SH3BGRL: variants seen among roughly 807,000 people sequenced by gnomAD.
SH3BGRL encodes the protein SH3 domain binding glutamate rich protein like.
A neutral mutation model predicts 9.8 loss-of-function variants in SH3BGRL; 7 were observed. The ratio of observed to expected loss-of-function variants is 0.72; its 90% CI spans 0.41 to 1.35. The LOEUF (loss-of-function observed/expected upper bound fraction) is 1.35. SH3BGRL is among the 40% of genes most tolerant of loss of function. SH3BGRL has a pLI of 0.01. For missense variants in SH3BGRL, 73 were observed against 84.4 expected (o/e 0.86, Z 0.53); for synonymous variants, 36 against 29.1 (o/e 1.24, Z -0.76).
intron 1 of SH3BGRL, among the ~76,000 whole-genome samples, chrX:81,269,348 T>C (rs1002125258): frequency 3.9e-4 from 44 of 111,750 alleles, no homozygotes; most frequent in Non-Finnish European, 7.9e-4. Context: ...TTTGCAGTGG[T>C]TGGTACCAGT....
At chrX:81,225,919 T>C (rs1462488932) in intron 1 of SH3BGRL, among the ~76,000 whole-genome samples, 2 of 111,831 alleles carry the variant, frequency 1.8e-5, no homozygotes, top group African/African-American at 6.5e-5. Flanking sequence ...CTTTCATTTC[T>C]GTGGTAAGAA....
chrX:81,226,960 A>G (rs1338277048), intron 1 of SH3BGRL, among the ~76,000 whole-genome samples: 1 of 112,037 alleles, frequency 8.9e-6, no homozygotes, highest in Non-Finnish European at 1.9e-5. Context: ...TTAGAATGAC[A>G]ATAGGAAACT....
At chrX:81,202,535 C>T (rs1209664530) in intron 1 of SH3BGRL, 15 of 915,118 alleles carry the variant, frequency 1.6e-5, no homozygotes, top group Admixed American at 1.2e-4. Context: ...TGGTGCTATA[C>T]GGTCTTTAGG....
At chrX:81,214,039 T>A (rs1213168700) in intron 1 of SH3BGRL, among the ~76,000 whole-genome samples, 2 of 112,326 alleles carry the variant, frequency 1.8e-5, no homozygotes, top group Non-Finnish European at 3.8e-5. Context: ...TTGCTGAATG[T>A]TCACATTTCG....
chrX:81,268,920 G>C (rs2075767089), intron 1 of SH3BGRL, among the ~76,000 whole-genome samples: 1 of 111,826 alleles, frequency 8.9e-6, no homozygotes, highest in African/African-American at 3.3e-5. Flanking sequence ...GTGAATGTAT[G>C]TTTAGGATAG....
intron 1 of SH3BGRL, among the ~76,000 whole-genome samples, chrX:81,213,997 A>T (rs1398700491): frequency 8.9e-6 from 1 of 111,933 alleles, no homozygotes. Context: ...ATGGCATGAG[A>T]TGAGAAGAGA....
chrX:81,263,018 T>A (rs763728027), intron 1 of SH3BGRL, among the ~76,000 whole-genome samples: 2 of 110,502 alleles, frequency 1.8e-5, no homozygotes, highest in Non-Finnish European at 3.8e-5. Flanking sequence ...ACATTGGTAC[T>A]CTTTGATTAA....
intron 3 of SH3BGRL, among the ~76,000 whole-genome samples, chrX:81,288,202 A>G (rs1239101694): frequency 1.8e-5 from 2 of 112,262 alleles, no homozygotes. Flanking sequence ...TGATCATTTC[A>G]ATTGATGCTG....
intron 3 of SH3BGRL, among the ~76,000 whole-genome samples, chrX:81,284,639 T>G (rs1381667308): frequency 9.1e-6 from 1 of 110,024 alleles, no homozygotes; most frequent in Non-Finnish European, 1.9e-5. Flanking sequence ...AAAGAGAAAT[T>G]TTAATGTGTG....
At chrX:81,264,738 A>G (rs1045600638) in intron 1 of SH3BGRL, among the ~76,000 whole-genome samples, 3 of 111,002 alleles carry the variant, frequency 2.7e-5, no homozygotes, top group Admixed American at 1.9e-4. Flanking sequence ...TGTGAAGACT[A>G]AAGTAGGGAA....
At chrX:81,216,367 T>C (rs1353057868) in intron 1 of SH3BGRL, among the ~76,000 whole-genome samples, 2 of 111,609 alleles carry the variant, frequency 1.8e-5, no homozygotes, top group African/African-American at 3.3e-5. Context: ...TACAGGCACA[T>C]AATGCACAAT....
chrX:81,208,123 G>A (rs770351096), intron 1 of SH3BGRL, among the ~76,000 whole-genome samples: 8 of 110,656 alleles, frequency 7.2e-5, no homozygotes, highest in Non-Finnish European at 1.3e-4. Context: ...ATAGCCGGGC[G>A]TGGTGGCGGG....
At chrX:81,259,630 G>A (rs1282758867) in intron 1 of SH3BGRL, among the ~76,000 whole-genome samples, 2 of 112,047 alleles carry the variant, frequency 1.8e-5, no homozygotes, top group Non-Finnish European at 3.8e-5. Flanking sequence ...CACAAATTTA[G>A]TTTTGGTACT....
chrX:81,250,406 C>CA (rs60249894), intron 1 of SH3BGRL, among the ~76,000 whole-genome samples: 121 of 80,080 alleles, frequency 1.5e-3, no homozygotes, highest in East Asian at 5.1e-3. Flanking sequence ...GACTCCGTCT[C>CA]AAAAAAAAAA....
intron 1 of SH3BGRL, among the ~76,000 whole-genome samples, chrX:81,251,055 T>G (rs1162127215): frequency 8.9e-6 from 1 of 112,301 alleles, no homozygotes; most frequent in Non-Finnish European, 1.9e-5. Context: ...TAAAGAAACC[T>G]CCTAAGACTT....
chrX:81,207,540 G>A lies in SH3BGRL; in HGVS notation c.45+5295G>A, dbSNP rs968169952. On this transcript the variant is annotated intron_variant, in intron 1 of 3. Transcript: ENST00000373212. The stretch of plus-strand genomic sequence containing the variant: ...GTTCTCAAATAATTGTACTTTAGGC[G>A]CAGAATGTTTTGCTGCTCTGTCTGT... 1.2e-4 allele frequency among the ~76,000 whole-genome samples: 13 copies of A among 112,159 alleles called. No individual in the cohort carries two copies. The East Asian group carries it at 2.2e-3, about 19-fold the overall frequency.
intron 3 of SH3BGRL, among the ~76,000 whole-genome samples, chrX:81,296,207 A>C (rs1490767696): frequency 1.8e-5 from 2 of 110,586 alleles, no homozygotes; most frequent in Non-Finnish European, 3.8e-5. Flanking sequence ...AAGCAGCAGT[A>C]GGAGGATGGT....
In SH3BGRL at chrX:81,287,956, GGAAAGAAAGAAA is replaced by G. The variant is rs368182440; in HGVS notation, c.313-9224_313-9213del. 4.6e-5 allele frequency among the ~76,000 whole-genome samples: 4 copies of G among 86,722 alleles called. No homozygotes were observed. The Admixed American group carries it at 5.3e-4, about 11-fold the overall frequency. 75.3% of individuals were successfully genotyped at this position (86,722 alleles called of 115,157 possible). A position where few individuals can be genotyped will look rare whatever the true frequency, so the allele number is the denominator to read the frequency against. On this transcript the variant is annotated intron_variant, in intron 3 of 3. Coordinates refer to ENST00000373212, the MANE Select transcript of SH3BGRL (RefSeq NM_003022.3). ...AAAAGAAAAAGAAAGAAGGAAGGAA[GGAAAGAAAGAAA>G]GAAAGAAAGAAAGAGAAAGAAAGAA...
At chrX:81,259,775 C>T (rs927542868) in intron 1 of SH3BGRL, among the ~76,000 whole-genome samples, 2 of 111,948 alleles carry the variant, frequency 1.8e-5, no homozygotes, top group African/African-American at 3.2e-5. Context: ...CACCTATGGT[C>T]AGAAGCCACT....
Sources: gnomAD v4.1 joint callset for allele counts (sites outside exome capture counted in the v4.1 genomes callset) on GRCh38, gnomAD v4.1.1 for gene constraint, MANE v1.5 for transcripts, NCBI Gene and HGNC (gene_info 2026-07-23, HGNC 2026-07-21) for gene names.